SGCZ: variants seen among roughly 807,000 people sequenced by gnomAD.
The protein encoded by SGCZ is zeta-sarcoglycan.
SGCZ carries 40 observed loss-of-function variants against 41.3 expected under a neutral mutation model. The observed-to-expected ratio is 0.97, with a 90% CI of 0.75 to 1.26. The LOEUF (loss-of-function observed/expected upper bound fraction) is 1.26, where lower values mean the gene tolerates loss of function less well. Among genes scored for constraint, SGCZ ranks in the 50% most tolerant of loss-of-function variants. The pLI, the probability that SGCZ is intolerant of heterozygous loss-of-function variation, is 0.00. For missense variants in SGCZ, 552 were observed against 369.8 expected, an observed-to-expected ratio of 1.49 and a Z score of -4.04; for synonymous variants, 206 against 137.5, an observed-to-expected ratio of 1.50 and a Z score of -3.49.
intron 1 of SGCZ, among the ~76,000 whole-genome samples, chr8:15,020,149 T>C (rs1304694845): frequency 6.6e-6 from 1 of 152,078 alleles, no homozygotes; most frequent in Non-Finnish European, 1.5e-5. Context: ...ACTGAAGATC[T>C]GAGGAGAAGA....
In SGCZ at chr8:14,397,750, A is replaced by G. The variant is rs186161153; in HGVS notation, c.235-73546T>C. Among the ~76,000 whole-genome samples the G allele has an allele frequency of 5.6e-4, 85 of 152,258 alleles. No homozygotes were observed. In the Middle Eastern group the frequency reaches 0.01, roughly 18 times the overall value. Reference sequence around the variant, plus strand: ...GAAATCTTCCCAGTATTGCAAAAGCATACTAGAGTTCCCCTTCATCATCTG... The same window carrying G: ...GAAATCTTCCCAGTATTGCAAAAGCGTACTAGAGTTCCCCTTCATCATCTG... On this transcript the variant is annotated intron_variant, in intron 2 of 7. Coordinates refer to ENST00000382080, the MANE Select transcript of SGCZ (RefSeq NM_139167.4).
chr8:14,438,087 T>C (rs1800143960), intron 2 of SGCZ, among the ~76,000 whole-genome samples: 1 of 151,542 alleles, frequency 6.6e-6, no homozygotes, highest in Non-Finnish European at 1.5e-5. Flanking sequence ...ATATAATTGA[T>C]GGGTATTTTA....
intron 3 of SGCZ, among the ~76,000 whole-genome samples, chr8:14,314,978 A>C (rs949692986): frequency 6.6e-6 from 1 of 152,182 alleles, no homozygotes; most frequent in African/African-American, 2.4e-5. Flanking sequence ...GCAAACATTC[A>C]AGTCCCATTA....
intron 5 of SGCZ, among the ~76,000 whole-genome samples, chr8:14,141,910 C>A (rs1008105554): frequency 3.3e-5 from 5 of 152,112 alleles, no homozygotes; most frequent in African/African-American, 1.2e-4. Flanking sequence ...AGACTTGGAA[C>A]CAACCAAAAT....
At chr8:14,165,136 G>C (rs192645687) in intron 4 of SGCZ, 4 of 155,118 alleles carry the variant, frequency 2.6e-5, no homozygotes, top group Admixed American at 1.9e-4. Context: ...ACATCACGGA[G>C]GACTTGTTAA....
At chr8:15,018,767 A>G (rs550322126) in intron 1 of SGCZ, among the ~76,000 whole-genome samples, 1 of 152,356 alleles carries the variant, frequency 6.6e-6, no homozygotes, top group South Asian at 2.1e-4. Context: ...ACTGCTATAA[A>G]GAAATACCTG....
At chr8:14,158,752 C>CTA (rs1174166916) in intron 5 of SGCZ, among the ~76,000 whole-genome samples, 78 of 151,992 alleles carry the variant, frequency 5.1e-4, no homozygotes, top group Non-Finnish European at 7.7e-4. Context: ...ATACCATATT[C>CTA]TATATATATA....
intron 2 of SGCZ, among the ~76,000 whole-genome samples, chr8:14,529,300 A>G (rs1169570446): frequency 6.6e-6 from 1 of 152,168 alleles, no homozygotes; most frequent in Non-Finnish European, 1.5e-5. Flanking sequence ...AACTCATTCC[A>G]GCACACCTGC....
chr8:14,200,466 G>T (rs1450909865), intron 4 of SGCZ, among the ~76,000 whole-genome samples: 5 of 152,060 alleles, frequency 3.3e-5, no homozygotes, highest in Admixed American at 2.6e-4. Flanking sequence ...TCACTATAAA[G>T]AATCATGTAC....
chr8:14,726,520 T>G (rs1810062235), intron 1 of SGCZ, among the ~76,000 whole-genome samples: 1 of 151,612 alleles, frequency 6.6e-6, no homozygotes, highest in Non-Finnish European at 1.5e-5. Flanking sequence ...GCTATTATGA[T>G]AGAGGCACAG....
chr8:14,241,726 T>C (rs886305004), intron 3 of SGCZ, among the ~76,000 whole-genome samples: 1 of 152,064 alleles, frequency 6.6e-6, no homozygotes, highest in Non-Finnish European at 1.5e-5. Flanking sequence ...AGATAGGTGA[T>C]CCAGTTAGAA....
intron 2 of SGCZ, among the ~76,000 whole-genome samples, chr8:14,411,832 G>C (rs1799368751): frequency 6.6e-6 from 1 of 152,008 alleles, no homozygotes; most frequent in Non-Finnish European, 1.5e-5. Flanking sequence ...TCTTTTTCCA[G>C]TACAGTAAAA....
At chr8:14,626,486 T>A (rs1294784373) in intron 1 of SGCZ, among the ~76,000 whole-genome samples, 1 of 152,172 alleles carries the variant, frequency 6.6e-6, no homozygotes, top group Non-Finnish European at 1.5e-5. Context: ...TCTGGTGAAG[T>A]TCTAAACCCT....
At chr8:15,221,703 G>A (rs1037434917) in intron 1 of SGCZ, among the ~76,000 whole-genome samples, 1 of 152,090 alleles carries the variant, frequency 6.6e-6, no homozygotes, top group Non-Finnish European at 1.5e-5. Flanking sequence ...AATAGTTGTC[G>A]ACGACTCTGC....
chr8:14,674,110 T>A lies in SGCZ; in HGVS notation c.40-119184A>T, dbSNP rs1211799774. ...TAGTATAAACTGTTAAAACCTTCAA[T>A]AAAGTATAACTCAGAATAAAACATA... On this transcript the variant is annotated intron_variant, in intron 1 of 7. Transcript: ENST00000382080. Among the ~76,000 whole-genome samples the A allele has an allele frequency of 2.0e-5, 3 of 152,082 alleles. No individual in the cohort carries two copies. In the East Asian group the frequency reaches 5.8e-4, roughly 29 times the overall value.
In SGCZ at chr8:15,112,177, C is replaced by T. The variant is rs192073422; in HGVS notation, c.39+125408G>A. Reference sequence around the variant, plus strand: ...TAAGAAGGCCTTGACTCTTTCACCGCGAGAACATAGTTGAAACCTAACATA... The same window carrying T: ...TAAGAAGGCCTTGACTCTTTCACCGTGAGAACATAGTTGAAACCTAACATA... On this transcript the variant is annotated intron_variant, in intron 1 of 7. Coordinates refer to ENST00000382080, the MANE Select transcript of SGCZ (RefSeq NM_139167.4). 2.3e-3 allele frequency among the ~76,000 whole-genome samples: 350 copies of T among 152,258 alleles called. 4 individuals carry two copies. Among genetic ancestry groups the T allele is most frequent in the African/African-American group, 6.4e-3 (266 of 41,556 alleles).
At chr8:15,021,073 G>C (rs1477717791) in intron 1 of SGCZ, among the ~76,000 whole-genome samples, 4 of 152,068 alleles carry the variant, frequency 2.6e-5, no homozygotes, top group Non-Finnish European at 4.4e-5. Context: ...AAGTGCTTTG[G>C]ATATAAATGA....
chr8:14,702,300 T>A (rs1391881026), intron 1 of SGCZ, among the ~76,000 whole-genome samples: 1 of 151,964 alleles, frequency 6.6e-6, no homozygotes, highest in Non-Finnish European at 1.5e-5. Context: ...TTTCCTTTAC[T>A]GACACTTTTC....
At chr8:14,874,706 C>T (rs1804282937) in intron 1 of SGCZ, among the ~76,000 whole-genome samples, 2 of 151,994 alleles carry the variant, frequency 1.3e-5, no homozygotes, top group Admixed American at 1.3e-4. Context: ...TCAGTGAATG[C>T]ACAGGTGCCT....
Sources: gnomAD v4.1 joint callset for allele counts (sites outside exome capture counted in the v4.1 genomes callset) on GRCh38, gnomAD v4.1.1 for gene constraint, MANE v1.5 for transcripts, NCBI Gene and HGNC (gene_info 2026-07-23, HGNC 2026-07-21) for gene names.